The following VPS35L variants were observed in gnomAD, a reference collection of about 807,000 sequenced individuals.
VPS35L encodes the protein VPS35 endosomal protein sorting factor like.
Under a neutral mutation model 133.0 loss-of-function variants are expected in VPS35L, and 83 were observed. The observed-to-expected ratio is 0.62, with a 90% CI of 0.52 to 0.75. The LOEUF (loss-of-function observed/expected upper bound fraction) is 0.75. VPS35L is among the 30% of genes least tolerant of loss of function. The pLI, the probability that VPS35L is intolerant of heterozygous loss-of-function variation, is 0.00. For missense variants in VPS35L, 1,083 were observed against 1,206.8 expected, an observed-to-expected ratio of 0.90 and a Z score of 1.52; for synonymous variants, 423 against 449.9, an observed-to-expected ratio of 0.94 and a Z score of 0.76.
chr16:19,637,544 T>A (rs923470371), intron 19 of VPS35L, 50 bp from the exon 20 acceptor site: 1 of 1,363,514 alleles, frequency 7.3e-7, no homozygotes, highest in South Asian at 1.4e-5. Flanking sequence ...GAAAGAAATT[T>A]TTAAAAATTA....
chr16:19,690,868 C>T (rs1567492055), intron 28 of VPS35L, among the ~76,000 whole-genome samples: 1 of 151,872 alleles, frequency 6.6e-6, no homozygotes, highest in South Asian at 2.1e-4. Flanking sequence ...GAGGCTGAGG[C>T]AGGAGGACTG....
At chr16:19,606,158 A>C (rs557916782) in intron 9 of VPS35L, among the ~76,000 whole-genome samples, 1 of 152,336 alleles carries the variant, frequency 6.6e-6, no homozygotes, top group Admixed American at 6.5e-5. Flanking sequence ...CCTGATTTCC[A>C]ACTCTTTCAG....
intron 9 of VPS35L, among the ~76,000 whole-genome samples, chr16:19,603,264 C>T (rs1228386998): frequency 6.6e-6 from 1 of 152,142 alleles, no homozygotes; most frequent in Non-Finnish European, 1.5e-5. Context: ...GAGAGCCTTG[C>T]TCTTTCTTAG....
At position 19,700,703 on chromosome 16, in the gene VPS35L, T is replaced by C. The variant is rs74013806; in HGVS notation, c.*227T>C. 0.022 allele frequency: 11,582 copies of C among 517,348 alleles called. 889 individuals carry two copies. The highest frequency in any genetic ancestry group is 0.18 in the African/African-American group (9,527 of 52,862). The allele number at this position is 517,348 out of a possible 1,614,324, so 32.0% of individuals were successfully genotyped here. On this transcript the variant is annotated 3_prime_UTR_variant, in exon 31 of 31. Coordinates refer to ENST00000417362, the MANE Select transcript of VPS35L (RefSeq NM_020314.7). ...CTTCACTAAGAAGCAGTCTCTGTGT[T>C]GTCTTTGCACAAGTGGCCTTCGGTC...
At chr16:19,689,202 C>G (rs1242934963) in intron 28 of VPS35L, among the ~76,000 whole-genome samples, 1 of 151,710 alleles carries the variant, frequency 6.6e-6, no homozygotes, top group Non-Finnish European at 1.5e-5. Context: ...TGGTCTTGAT[C>G]TCTTGACCTC....
In VPS35L at chr16:19,634,081, A is replaced by T. The variant is rs1181482158; in HGVS notation, c.1635+909A>T. On this transcript the variant is annotated intron_variant, in intron 19 of 30. Coordinates refer to ENST00000417362, the MANE Select transcript of VPS35L (RefSeq NM_020314.7). ...TCATTCACGCATTCCACACATATATACATGTATGTGTGTACATTTTTTTCT... is the reference window on the plus strand; with the variant it reads ...TCATTCACGCATTCCACACATATATTCATGTATGTGTGTACATTTTTTTCT... Among the ~76,000 whole-genome samples, 4 of 152,158 alleles carry T rather than the reference A, an allele frequency of 2.6e-5. No individual in the cohort carries two copies. In the East Asian group the frequency reaches 5.8e-4, roughly 22 times the overall value.
chr16:19,568,705 G>A (rs1257419511), intron 2 of VPS35L, among the ~76,000 whole-genome samples: 1 of 152,116 alleles, frequency 6.6e-6, no homozygotes, highest in Non-Finnish European at 1.5e-5. Flanking sequence ...GAGTGCAGTG[G>A]TGCGATCTCG....
intron 19 of VPS35L, among the ~76,000 whole-genome samples, chr16:19,636,810 G>A (rs772505275): frequency 2.0e-5 from 3 of 152,186 alleles, no homozygotes; most frequent in Non-Finnish European, 2.9e-5. Flanking sequence ...CCAAGGCCCT[G>A]TCAGCCTTTC....
At chr16:19,685,543 G>A (rs774173521) in intron 28 of VPS35L, among the ~76,000 whole-genome samples, 7 of 152,186 alleles carry the variant, frequency 4.6e-5, no homozygotes, top group Non-Finnish European at 7.3e-5. Flanking sequence ...GGCTGTCTGC[G>A]TGGAGGTGGC....
Position 19,699,680 on chromosome 16 carries a change from C to G in VPS35L, c.2793+32C>G, listed in dbSNP as rs548185665. The G allele has an allele frequency of 3.4e-5, 54 of 1,609,206 alleles. 1 individual carries two copies. The South Asian group carries it at 5.6e-4, about 17-fold the overall frequency. On this transcript the variant is annotated intron_variant, in intron 30 of 30. Coordinates refer to ENST00000417362, the MANE Select transcript of VPS35L (RefSeq NM_020314.7). The surrounding 1 kb of genome is among the most constrained non-coding windows in gnomAD (Gnocchi z 4.2). ...CGCTCGGAGGGCCCCGTGGTATAAGCCCACTGGCCAGTGCACAACCACCCT... is the reference window on the plus strand; with the variant it reads ...CGCTCGGAGGGCCCCGTGGTATAAGGCCACTGGCCAGTGCACAACCACCCT...
At chr16:19,605,125 T>C (rs1258463270) in intron 9 of VPS35L, among the ~76,000 whole-genome samples, 2 of 152,122 alleles carry the variant, frequency 1.3e-5, no homozygotes, top group Non-Finnish European at 2.9e-5. Context: ...ATGGTGCCAA[T>C]CCCTATAACA....
chr16:19,632,343 G>A (rs1413791624), intron 18 of VPS35L, among the ~76,000 whole-genome samples: 3 of 152,110 alleles, frequency 2.0e-5, no homozygotes, highest in African/African-American at 7.2e-5. Flanking sequence ...AAGTTTATTT[G>A]TTGAAATCTG....
intron 9 of VPS35L, among the ~76,000 whole-genome samples, chr16:19,607,589 G>A (rs1597353933): frequency 6.6e-6 from 1 of 152,172 alleles, no homozygotes; most frequent in Admixed American, 6.5e-5. Context: ...TCGTGAGCCG[G>A]CAACATAATT....
intron 27 of VPS35L, among the ~76,000 whole-genome samples, chr16:19,675,391 G>A (rs181248162): frequency 1.6e-4 from 25 of 151,848 alleles, no homozygotes; most frequent in Non-Finnish European, 3.7e-4. Flanking sequence ...CATATAGATT[G>A]TTTCCACATC....
rs559027532 is a variant in VPS35L at position 19,700,658 on chromosome 16, T to A, written c.*182T>A. The stretch of plus-strand genomic sequence containing the variant: ...TCTGACAATGAAGAAATGGGAGTTG[T>A]CAGAGCATTAAAATGCAATCTTCAC... On this transcript the variant is annotated 3_prime_UTR_variant, in exon 31 of 31. Transcript: ENST00000417362. 58 of 582,088 alleles carry A rather than the reference T, an allele frequency of 1.0e-4. No individual in the cohort carries two copies. The highest frequency in any genetic ancestry group is 1.6e-4 in the Non-Finnish European group (52 of 328,596). The allele number at this position is 582,088 out of a possible 1,614,324, so 36.1% of individuals were successfully genotyped here.
intron 19 of VPS35L, among the ~76,000 whole-genome samples, chr16:19,635,403 C>G (rs1393230330): frequency 6.6e-6 from 1 of 152,058 alleles, no homozygotes; most frequent in Non-Finnish European, 1.5e-5. Flanking sequence ...CCAAAAACCC[C>G]ACATATATCA....
At chr16:19,605,061 C>T (rs1246655797) in intron 9 of VPS35L, among the ~76,000 whole-genome samples, 2 of 152,184 alleles carry the variant, frequency 1.3e-5, no homozygotes, top group African/African-American at 4.8e-5. Flanking sequence ...TGGGCCACAT[C>T]GGGATAAGCA....
At chr16:19,687,772 G>A (rs376466277) in intron 28 of VPS35L, among the ~76,000 whole-genome samples, 1 of 152,080 alleles carries the variant, frequency 6.6e-6, no homozygotes, top group Non-Finnish European at 1.5e-5. Flanking sequence ...ACAAGCAAGA[G>A]AGCTTGCACA....
intron 27 of VPS35L, among the ~76,000 whole-genome samples, chr16:19,674,358 A>AT (rs112106302): frequency 6.1e-5 from 9 of 147,052 alleles, no homozygotes; most frequent in African/African-American, 1.5e-4. Flanking sequence ...CACCTGGCTA[A>AT]TTTTTTTTTT....
Sources: allele counts gnomAD v4.1 joint callset (sites outside exome capture counted in the v4.1 genomes callset), GRCh38; gene constraint gnomAD v4.1.1; non-coding constraint Gnocchi (gnomAD v3.1); transcripts MANE v1.5; gene names NCBI Gene and HGNC (gene_info 2026-07-23, HGNC 2026-07-21).